Variants in CAMK2A observed in about 807,000 individuals in gnomAD.
CAMK2A encodes the protein calcium/calmodulin-dependent protein kinase type II subunit alpha.
A neutral mutation model predicts 79.2 loss-of-function variants in CAMK2A; 7 were observed. The observed-to-expected ratio is 0.09, with a 90% CI of 0.05 to 0.17. The LOEUF is 0.17. Among genes scored for constraint, CAMK2A ranks in the 10% least tolerant of loss-of-function variants. The pLI, the probability that CAMK2A is intolerant of heterozygous loss-of-function variation, is 1.00. For missense variants in CAMK2A, 214 were observed against 646.4 expected (o/e 0.33, Z 7.25); for synonymous variants, 242 against 251.7 (o/e 0.96, Z 0.36).
In CAMK2A at chr5:150,289,772, C is replaced by A; in HGVS notation, c.-147G>T. On this transcript the variant is annotated 5_prime_UTR_variant, in exon 1 of 19. Transcript: ENST00000671881. ...GGTTTGACTGACGAGCCCGGGGCTTCTGAGCAGGGCACTGTGGCTGCTCAC... is the reference window on the plus strand; with the variant it reads ...GGTTTGACTGACGAGCCCGGGGCTTATGAGCAGGGCACTGTGGCTGCTCAC... 1 of 604,164 alleles carries A rather than the reference C, an allele frequency of 1.7e-6. No individual in the cohort carries two copies. 37.4% of individuals were successfully genotyped at this position (604,164 alleles called of 1,614,324 possible).
At chr5:150,231,263 A>G (rs765980414) in intron 16 of CAMK2A, 42 bp downstream of exon 16, 1 of 1,239,752 alleles carries the variant, frequency 8.1e-7, no homozygotes, top group Non-Finnish European at 1.1e-6. Flanking sequence ...CCCCTGAACA[A>G]CAATCCAGGC....
At chr5:150,225,771 G>A (rs1274520651) in intron 17 of CAMK2A, among the ~76,000 whole-genome samples, 1 of 151,854 alleles carries the variant, frequency 6.6e-6, no homozygotes, top group Non-Finnish European at 1.5e-5. Flanking sequence ...TTTAGATGGA[G>A]TCTTGCTCTG....
chr5:150,273,624 T>A (rs1756840319), intron 1 of CAMK2A, among the ~76,000 whole-genome samples: 1 of 152,188 alleles, frequency 6.6e-6, no homozygotes, highest in East Asian at 1.9e-4. Flanking sequence ...TGTTACCATG[T>A]CCTTGAGTCT....
chr5:150,249,553 GTTT>G (rs36099826), intron 11 of CAMK2A, among the ~76,000 whole-genome samples: 5,016 of 145,784 alleles, frequency 0.034, 287 homozygotes, highest in African/African-American at 0.12. Flanking sequence ...TCTTTTTTTT[GTTT>G]TTTTTTTTTT....
rs761424198 is a variant in CAMK2A at position 150,264,998 on chromosome 5, G to A, written c.175C>T (p.Arg59Cys). 2 of 1,613,630 alleles carry A rather than the reference G, an allele frequency of 1.2e-6. No individual in the cohort carries two copies. The highest frequency in any genetic ancestry group is 1.7e-6 in the Non-Finnish European group (2 of 1,179,642). Reference sequence around the variant, plus strand: ...AGCAGGCGGCAGATGCGGGCTTCACGCTCCAGCTTCTGATGGTCTGAAACA... The same window carrying A: ...AGCAGGCGGCAGATGCGGGCTTCACACTCCAGCTTCTGATGGTCTGAAACA... Reference protein sequence around the residue: ...LSARDHQKLEREARICRLLKH... With the variant: ...LSARDHQKLECEARICRLLKH... The change falls in exon 3 of 19, where the codon CGT (arginine) becomes TGT (cysteine). Residue 59 changes from arginine (R) to cysteine (C), a missense_variant. By Grantham distance (180) the Arg-to-Cys change is radical. This residue lies in a region of CAMK2A where 72 missense variants were observed against 333.9 expected (regional missense o/e 0.22). Coordinates refer to ENST00000671881, the MANE Select transcript of CAMK2A (RefSeq NM_015981.4).
At chr5:150,281,062 CT>C (rs1757194823) in intron 1 of CAMK2A, among the ~76,000 whole-genome samples, 1 of 152,248 alleles carries the variant, frequency 6.6e-6, no homozygotes. Context: ...TCACCCAAAA[CT>C]GAAATCCACA....
At chr5:150,253,301 G>A in intron 7 of CAMK2A, 143 bp downstream of exon 7, 1 of 665,178 alleles carries the variant, frequency 1.5e-6, no homozygotes, top group East Asian at 2.7e-5. Context: ...AGGCTGGGTG[G>A]GACAGGGCCT....
intron 3 of CAMK2A, among the ~76,000 whole-genome samples, chr5:150,259,352 T>C (rs1756202366): frequency 6.6e-6 from 1 of 151,910 alleles, no homozygotes; most frequent in Non-Finnish European, 1.5e-5. Flanking sequence ...AAACCCCATC[T>C]CTACAAACAA....
chr5:150,269,736 C>A (rs1435925876), intron 2 of CAMK2A, among the ~76,000 whole-genome samples: 1 of 152,058 alleles, frequency 6.6e-6, no homozygotes, highest in African/African-American at 2.4e-5. Flanking sequence ...AGAAAAGAGA[C>A]CTGAAGTCTG....
Position 150,250,594 on chromosome 5 carries a change from C to T in CAMK2A, c.816+94G>A, listed in dbSNP as rs3733921. On this transcript the variant is annotated intron_variant, in intron 10 of 18. Coordinates refer to ENST00000671881, the MANE Select transcript of CAMK2A (RefSeq NM_015981.4). Reference sequence around the variant, plus strand: ...GTCTCTTGGATTAAGCCCTCTTGGCCCCATGGGCCAGGGGAAGGGCCAGAA... The same window carrying T: ...GTCTCTTGGATTAAGCCCTCTTGGCTCCATGGGCCAGGGGAAGGGCCAGAA... The T allele has an allele frequency of 2.8e-4, 429 of 1,531,280 alleles. 3 individuals carry two copies. In the East Asian group the frequency reaches 9.7e-3, roughly 35 times the overall value. 94.9% of individuals were successfully genotyped at this position (1,531,280 alleles called of 1,614,324 possible). A position where few individuals can be genotyped will look rare whatever the true frequency, so the allele number is the denominator to read the frequency against.
At chr5:150,283,823 C>T (rs200932828) in intron 1 of CAMK2A, among the ~76,000 whole-genome samples, 3,483 of 152,280 alleles carry the variant, frequency 0.023, 141 homozygotes, top group African/African-American at 0.074. Context: ...CAGAGTACCC[C>T]GCCCAGGAAA....
chr5:150,263,557 A>G (rs1316749181), intron 3 of CAMK2A, among the ~76,000 whole-genome samples: 1 of 151,430 alleles, frequency 6.6e-6, no homozygotes, highest in East Asian at 1.9e-4. Flanking sequence ...ACACTCCAAC[A>G]CTGTCACATA....
At chr5:150,277,436 AG>A (rs750854261) in intron 1 of CAMK2A, among the ~76,000 whole-genome samples, 3 of 152,242 alleles carry the variant, frequency 2.0e-5, no homozygotes, top group Non-Finnish European at 2.9e-5. Context: ...GGCTCTGCAC[AG>A]GGAGGCCTGA....
intron 16 of CAMK2A, among the ~76,000 whole-genome samples, chr5:150,230,911 C>A (rs1051913782): frequency 2.0e-5 from 3 of 152,194 alleles, no homozygotes; most frequent in Non-Finnish European, 2.9e-5. Flanking sequence ...CTAGGGTGAG[C>A]ACTCAGGCCT....
At chr5:150,257,145 C>A (rs1453229032) in intron 4 of CAMK2A, among the ~76,000 whole-genome samples, 1 of 152,186 alleles carries the variant, frequency 6.6e-6, no homozygotes, top group Non-Finnish European at 1.5e-5. Context: ...TGGCCTCCCC[C>A]ATGATCAATA....
rs1318239081 is a variant in CAMK2A, at chr5:150,223,932, TG to T, written c.1238-716del. ...CTGTCTGAAGTATATCTACTTCTAC[TG>T]TATATCTACTTCTACTGTAGATATA... is the stretch of plus-strand genomic sequence containing the variant. On this transcript the variant is annotated intron_variant, in intron 17 of 18. Coordinates refer to ENST00000671881, the MANE Select transcript of CAMK2A (RefSeq NM_015981.4). The surrounding 1 kb of genome is among the most constrained non-coding windows in gnomAD (Gnocchi z 4.1). Among the ~76,000 whole-genome samples, 5 of 152,250 alleles carry T rather than the reference TG, an allele frequency of 3.3e-5. No homozygotes were observed. The highest frequency in any genetic ancestry group is 1.2e-4 in the African/African-American group (5 of 41,464).
At chr5:150,283,971 A>G (rs773864939) in intron 1 of CAMK2A, among the ~76,000 whole-genome samples, 1 of 152,218 alleles carries the variant, frequency 6.6e-6, no homozygotes. Context: ...GTAGACAGCC[A>G]TGCCACACGA....
At chr5:150,226,700 G>C (rs1217909633) in intron 17 of CAMK2A, among the ~76,000 whole-genome samples, 3 of 114,632 alleles carry the variant, frequency 2.6e-5, no homozygotes, top group Non-Finnish European at 1.7e-5. Context: ...TCGTGCCACT[G>C]CACTCCAGCC....
chr5:150,266,016 G>T (rs919187183), intron 2 of CAMK2A, among the ~76,000 whole-genome samples: 2 of 152,138 alleles, frequency 1.3e-5, no homozygotes, highest in African/African-American at 4.8e-5. Flanking sequence ...CCTTTCTAAG[G>T]GAGTGGCTAT....
Sources: gnomAD v4.1 joint callset for allele counts (sites outside exome capture counted in the v4.1 genomes callset) on GRCh38, gnomAD v4.1.1 for gene constraint, gnomAD v4.1.1 regional missense constraint, Gnocchi (gnomAD v3.1) non-coding constraint, MANE v1.5 for transcripts, NCBI Gene and HGNC (gene_info 2026-07-23, HGNC 2026-07-21) for gene names.